Variants in PRORP observed in about 807,000 individuals in gnomAD.
PRORP encodes protein only RNase P catalytic subunit.
A neutral mutation model predicts 59.4 loss-of-function variants in PRORP; 51 were observed. That is an observed-to-expected ratio of 0.86 (90% CI 0.69 to 1.08). The LOEUF (loss-of-function observed/expected upper bound fraction) is 1.08. PRORP is among the 50% of genes least tolerant of loss of function. The pLI is 0.00. For missense variants in PRORP, 646 were observed against 690.3 expected, an observed-to-expected ratio of 0.94 and a Z score of 0.72; for synonymous variants, 231 against 245.6, an observed-to-expected ratio of 0.94 and a Z score of 0.55.
chr14:35,132,800 A>AC (rs2047280965), intron 4 of PRORP, among the ~76,000 whole-genome samples: 1 of 149,574 alleles, frequency 6.7e-6, no homozygotes, highest in Non-Finnish European at 1.5e-5. Context: ...AAAAAAAAAA[A>AC]GGGAAGAAGG....
intron 4 of PRORP, among the ~76,000 whole-genome samples, chr14:35,128,455 C>G (rs896022955): frequency 6.6e-6 from 1 of 152,010 alleles, no homozygotes; most frequent in African/African-American, 2.4e-5. Context: ...AGCAGTGAAG[C>G]CGTCAGGTCC....
intron 5 of PRORP, among the ~76,000 whole-genome samples, chr14:35,233,370 A>G (rs2050131570): frequency 1.3e-5 from 2 of 149,144 alleles, no homozygotes; most frequent in South Asian, 4.3e-4. Flanking sequence ...TATTGCCTCT[A>G]GAGTTGTTCA....
chr14:35,237,154 G>A (rs953987764), intron 5 of PRORP, among the ~76,000 whole-genome samples: 6 of 150,154 alleles, frequency 4.0e-5, no homozygotes, highest in Admixed American at 6.7e-5. Flanking sequence ...GTGCAGTGGC[G>A]CCATCACAGC....
chr14:35,238,856 G>A (rs1394103610), intron 5 of PRORP, among the ~76,000 whole-genome samples: 1 of 152,086 alleles, frequency 6.6e-6, no homozygotes, highest in East Asian at 1.9e-4. Context: ...GCATCACAAG[G>A]CTATATATAA....
At chr14:35,244,836 T>C (rs1566522874) in intron 5 of PRORP, among the ~76,000 whole-genome samples, 1 of 152,218 alleles carries the variant, frequency 6.6e-6, no homozygotes, top group Non-Finnish European at 1.5e-5. Context: ...TCAGGTAACA[T>C]AATCCTGACT....
chr14:35,158,399 CT>C, intron 4 of PRORP: 1 of 306,180 alleles, frequency 3.3e-6, no homozygotes, highest in Non-Finnish European at 6.5e-6. Context: ...TCCCCTAACC[CT>C]TTTGCCATTA....
intron 4 of PRORP, among the ~76,000 whole-genome samples, chr14:35,170,632 C>T (rs1426428195): frequency 6.6e-6 from 1 of 151,994 alleles, no homozygotes; most frequent in Non-Finnish European, 1.5e-5. Flanking sequence ...TTTTAAGCCC[C>T]ATAATATAGT....
intron 5 of PRORP, among the ~76,000 whole-genome samples, chr14:35,189,572 C>T (rs1380708281): frequency 6.6e-6 from 1 of 151,982 alleles, no homozygotes; most frequent in Non-Finnish European, 1.5e-5. Context: ...CTTGAGCACC[C>T]ATTCCAAGCC....
chr14:35,222,965 T>C (rs79422374), intron 5 of PRORP, among the ~76,000 whole-genome samples: 2,154 of 152,352 alleles, frequency 0.014, 59 homozygotes, highest in African/African-American at 0.05. Flanking sequence ...CTCCCTGTTA[T>C]AGTTTCTGGC....
chr14:35,161,326 G>A (rs1010577959), intron 4 of PRORP, among the ~76,000 whole-genome samples: 14 of 152,100 alleles, frequency 9.2e-5, no homozygotes, highest in Middle Eastern at 3.2e-3. Flanking sequence ...CCTGAGGAAC[G>A]TAAGGCCCAG....
chr14:35,177,338 C>G (rs576864922), intron 4 of PRORP, among the ~76,000 whole-genome samples: 1 of 152,090 alleles, frequency 6.6e-6, no homozygotes, highest in African/African-American at 2.4e-5. Flanking sequence ...CTCCTTGTAC[C>G]TCTGGTAGAA....
Position 35,137,195 on chromosome 14 carries a change from G to C in PRORP, c.1167+9584G>C, listed in dbSNP as rs1205463980. On this transcript the variant is annotated intron_variant, in intron 4 of 7. Coordinates refer to ENST00000534898, the MANE Select transcript of PRORP (RefSeq NM_014672.4). ...GAAAGATGATATAGTGGTGGCTAGAGGATGGTGGAGTCAAGGGAGGGTTTA... is the reference window on the plus strand; with the variant it reads ...GAAAGATGATATAGTGGTGGCTAGACGATGGTGGAGTCAAGGGAGGGTTTA... Among the ~76,000 whole-genome samples, 13 of 145,720 alleles carry C rather than the reference G, an allele frequency of 8.9e-5. 2 individuals carry two copies. The highest frequency in any genetic ancestry group is 2.0e-4 in the Non-Finnish European group (13 of 65,576).
chr14:35,169,752 A>G (rs12435977), intron 4 of PRORP, among the ~76,000 whole-genome samples: 28,025 of 152,138 alleles, frequency 0.18, 2,838 homozygotes, highest in Admixed American at 0.27. Context: ...AAGCCAAACC[A>G]TATCAATGGC....
intron 5 of PRORP, among the ~76,000 whole-genome samples, chr14:35,206,885 ACTTAG>A (rs1162740062): frequency 5.9e-5 from 9 of 152,214 alleles, no homozygotes; most frequent in Non-Finnish European, 1.0e-4. Context: ...TCTAATGCTC[ACTTAG>A]AAGGACGATT....
At chr14:35,197,564 T>G (rs1394851450) in intron 5 of PRORP, among the ~76,000 whole-genome samples, 1 of 152,200 alleles carries the variant, frequency 6.6e-6, no homozygotes, top group Admixed American at 6.5e-5. Context: ...TTTATCCCAG[T>G]CAAATACGAT....
At chr14:35,188,703 C>T (rs546906991) in intron 5 of PRORP, among the ~76,000 whole-genome samples, 116 of 151,598 alleles carry the variant, frequency 7.7e-4, no homozygotes, top group Non-Finnish European at 8.7e-4. Flanking sequence ...AAGAGCCGGG[C>T]GCCGTGGCTC....
At chr14:35,162,762 C>G (rs888052146) in intron 4 of PRORP, among the ~76,000 whole-genome samples, 1 of 151,976 alleles carries the variant, frequency 6.6e-6, no homozygotes, top group Non-Finnish European at 1.5e-5. Context: ...GCTCCCTTCA[C>G]TTTTGTTGTT....
At chr14:35,187,015 G>T (rs2048759352) in intron 5 of PRORP, among the ~76,000 whole-genome samples, 1 of 152,118 alleles carries the variant, frequency 6.6e-6, no homozygotes, top group African/African-American at 2.4e-5. Flanking sequence ...GCCAAATCGT[G>T]TTCCATTGTA....
At chr14:35,197,835 T>C (rs1439549369) in intron 5 of PRORP, among the ~76,000 whole-genome samples, 1 of 152,036 alleles carries the variant, frequency 6.6e-6, no homozygotes, top group African/African-American at 2.4e-5. Context: ...GTAAAAAGGG[T>C]ACAAAGGGAA....
Sources: allele counts gnomAD v4.1 joint callset (sites outside exome capture counted in the v4.1 genomes callset), GRCh38; gene constraint gnomAD v4.1.1; transcripts MANE v1.5; gene names NCBI Gene and HGNC (gene_info 2026-07-23, HGNC 2026-07-21).